KMT2C: variants seen among roughly 807,000 people sequenced by gnomAD.
KMT2C encodes the protein histone-lysine N-methyltransferase 2C.
A neutral mutation model predicts 507.9 loss-of-function variants in KMT2C; 88 were observed. The ratio of observed to expected loss-of-function variants is 0.17; its 90% CI spans 0.15 to 0.21. KMT2C has a LOEUF of 0.21. Among genes scored for constraint, KMT2C ranks in the 10% least tolerant of loss-of-function variants. KMT2C has a pLI of 1.00. For missense variants in KMT2C, 4,954 were observed against 5,957.8 expected (o/e 0.83, Z 5.55); for synonymous variants, 2,049 against 2,080.8 (o/e 0.98, Z 0.42).
intron 1 of KMT2C, chr7:152,368,752 G>T: frequency 1.1e-6 from 1 of 902,686 alleles, no homozygotes; most frequent in Non-Finnish European, 1.7e-6. Flanking sequence ...ATATGCACCA[G>T]TTTCATCCAT....
chr7:152,142,673 A>C (rs1055383120), intron 55 of KMT2C, among the ~76,000 whole-genome samples: 8 of 152,234 alleles, frequency 5.3e-5, no homozygotes, highest in Non-Finnish European at 8.8e-5. Context: ...AAAAATTATA[A>C]ATCAAATACA....
intron 1 of KMT2C, among the ~76,000 whole-genome samples, chr7:152,397,605 T>C (rs1430727303): frequency 1.3e-5 from 2 of 152,124 alleles, no homozygotes. Context: ...TATAACACAC[T>C]TGATATGGTT....
chr7:152,289,665 T>C (rs2096373596), intron 6 of KMT2C, among the ~76,000 whole-genome samples: 1 of 152,200 alleles, frequency 6.6e-6, no homozygotes, highest in South Asian at 2.1e-4. Context: ...TAAGAAGATT[T>C]GAAAAACTTA....
At chr7:152,228,452 G>A (rs1256457025) in intron 18 of KMT2C, among the ~76,000 whole-genome samples, 1 of 152,180 alleles carries the variant, frequency 6.6e-6, no homozygotes, top group Non-Finnish European at 1.5e-5. Flanking sequence ...AGATACTGCT[G>A]TATTTCTCAA....
chr7:152,178,723 C>A lies in KMT2C; in HGVS notation c.7443-713G>T, dbSNP rs545545744. On this transcript the variant is annotated intron_variant, in intron 37 of 58. Coordinates refer to ENST00000262189, the MANE Select transcript of KMT2C (RefSeq NM_170606.3). ...ACAAAATATAAAATGCAGAAAGAGG[C>A]ATAAATTACAACTAAGGTAGAAGAA... Among the ~76,000 whole-genome samples the A allele has an allele frequency of 2.4e-4, 36 of 151,908 alleles. No homozygotes were observed. In the South Asian group the frequency reaches 7.1e-3, roughly 30 times the overall value.
intron 18 of KMT2C, among the ~76,000 whole-genome samples, chr7:152,226,429 T>TA (rs1281074733): frequency 6.6e-6 from 1 of 151,916 alleles, no homozygotes; most frequent in African/African-American, 2.4e-5. Flanking sequence ...GATGGGGTTT[T>TA]ACTGTGTTGG....
chr7:152,206,182 G>C (rs1354541994), intron 24 of KMT2C, among the ~76,000 whole-genome samples: 1 of 152,092 alleles, frequency 6.6e-6, no homozygotes, highest in Non-Finnish European at 1.5e-5. Flanking sequence ...CTGGTACACA[G>C]TCAACACTAT....
At chr7:152,406,683 T>TTG (rs2097618550) in intron 1 of KMT2C, among the ~76,000 whole-genome samples, 2 of 151,854 alleles carry the variant, frequency 1.3e-5, no homozygotes, top group African/African-American at 2.4e-5. Flanking sequence ...ACACAGCCAT[T>TTG]TTTTTTTCTT....
intron 15 of KMT2C, among the ~76,000 whole-genome samples, chr7:152,237,911 G>A (rs1327617429): frequency 1.3e-5 from 2 of 152,278 alleles, no homozygotes; most frequent in African/African-American, 2.4e-5. Context: ...ATGAAATGCT[G>A]ACCCAGAAAA....
At position 152,355,124 on chromosome 7, in the gene KMT2C, TAAAATGTG is replaced by T. The variant is rs147372457; in HGVS notation, c.250+3455_250+3462del. On this transcript the variant is annotated intron_variant, in intron 2 of 58. Coordinates refer to ENST00000262189, the MANE Select transcript of KMT2C (RefSeq NM_170606.3). ...AAAGCCCTCCAGTGGGCTGGATGTC[TAAAATGTG>T]AAAATGTGAAATGTGAATGTCTAAA... is the stretch of plus-strand genomic sequence containing the variant. Among the ~76,000 whole-genome samples, 169 of 152,320 alleles carry T rather than the reference TAAAATGTG, an allele frequency of 1.1e-3. 1 individual carries two copies. The East Asian group carries it at 0.019, about 17-fold the overall frequency.
chr7:152,156,420 G>C, intron 44 of KMT2C, 74 bp from the exon 45 acceptor site: 2 of 1,554,364 alleles, frequency 1.3e-6, no homozygotes, highest in Non-Finnish European at 1.7e-6. Flanking sequence ...ACGTAGTTCT[G>C]TGAATTTTTT....
intron 7 of KMT2C, among the ~76,000 whole-genome samples, chr7:152,272,453 T>C (rs1015141245): frequency 1.3e-5 from 2 of 152,214 alleles, no homozygotes. Flanking sequence ...AATTGTTTTA[T>C]TGAGATGACA....
chr7:152,323,792 GA>G (rs1046304227), intron 3 of KMT2C, among the ~76,000 whole-genome samples: 1 of 130,480 alleles, frequency 7.7e-6, no homozygotes. Context: ...GAGGGGAAGG[GA>G]AGGGAGGCAG....
chr7:152,271,957 G>A (rs1419089713), intron 7 of KMT2C, among the ~76,000 whole-genome samples: 3 of 151,998 alleles, frequency 2.0e-5, no homozygotes, highest in Non-Finnish European at 4.4e-5. Context: ...GAAAAGGTAT[G>A]GGGCCAAATT....
intron 34 of KMT2C, among the ~76,000 whole-genome samples, chr7:152,184,656 C>A (rs1025091004): frequency 6.6e-6 from 1 of 152,224 alleles, no homozygotes; most frequent in Non-Finnish European, 1.5e-5. Flanking sequence ...CCTCTGTATC[C>A]ATGGGGTATT....
At chr7:152,351,309 T>C (rs1254692237) in intron 2 of KMT2C, among the ~76,000 whole-genome samples, 1 of 152,210 alleles carries the variant, frequency 6.6e-6, no homozygotes, top group African/African-American at 2.4e-5. Flanking sequence ...GTACATGTAA[T>C]TGGGAGTACA....
intron 1 of KMT2C, among the ~76,000 whole-genome samples, chr7:152,361,326 T>G (rs994076085): frequency 1.3e-5 from 2 of 152,218 alleles, no homozygotes; most frequent in Admixed American, 6.5e-5. Flanking sequence ...TTTGGGAGGC[T>G]GAGGTGGGTG....
Position 152,177,152 on chromosome 7 carries a change from T to C in KMT2C, c.8301A>G (p.Gly2767=). 1 of 1,613,798 alleles carries C rather than the reference T, an allele frequency of 6.2e-7. No homozygotes were observed. The highest frequency in any genetic ancestry group is 8.5e-7 in the Non-Finnish European group (1 of 1,179,932). The change falls in exon 38 of 59, where the codon GGA becomes GGG. Residue 2767 remains glycine, a synonymous_variant. Coordinates refer to ENST00000262189, the MANE Select transcript of KMT2C (RefSeq NM_170606.3). ...IAYTDPELDM[G]DKKSMFNEEL... Reference sequence around the variant, plus strand: ...CCTCATTAAACATGCTTTTCTTATCTCCCATGTCAAGTTCTGGATCTGTAT... The same window carrying C: ...CCTCATTAAACATGCTTTTCTTATCCCCCATGTCAAGTTCTGGATCTGTAT...
Position 152,181,783 on chromosome 7 carries a change from T to C in KMT2C, c.6077A>G (p.Tyr2026Cys), listed in dbSNP as rs921674514. Residue 2026 changes from tyrosine to cysteine, a missense_variant, in exon 36 of 59, where the codon TAT (tyrosine) becomes TGT (cysteine). By Grantham distance (194) the Tyr-to-Cys change is radical. Transcript: ENST00000262189. ...TGCAGGTGTCAACAAGGGTCGTGCA[T>C]ATGAGTCAGGTATCCTTTGTCTTTG... ...VFQRQRIPDS[Y>C]ARPLLTPAPL... 3.1e-6 allele frequency: 5 copies of C among 1,614,136 alleles called. No individual in the cohort carries two copies. The African/African-American group carries it at 4.0e-5, about 13-fold the overall frequency.
Sources: allele counts gnomAD v4.1 joint callset (sites outside exome capture counted in the v4.1 genomes callset), GRCh38; gene constraint gnomAD v4.1.1; transcripts MANE v1.5; gene names NCBI Gene and HGNC (gene_info 2026-07-23, HGNC 2026-07-21).